The following FKBP9 variants were observed in gnomAD, a reference collection of about 807,000 sequenced individuals.
FKBP9 encodes peptidyl-prolyl cis-trans isomerase FKBP9.
FKBP9 carries 27 observed loss-of-function variants against 55.6 expected under a neutral mutation model. The ratio of observed to expected loss-of-function variants is 0.49; its 90% CI spans 0.36 to 0.67. The LOEUF is 0.67. FKBP9 is among the 30% of genes least tolerant of loss of function. FKBP9 has a pLI of 0.00. For missense variants in FKBP9, 539 were observed against 742.8 expected, an observed-to-expected ratio of 0.73 and a Z score of 3.19; for synonymous variants, 267 against 296.5, an observed-to-expected ratio of 0.90 and a Z score of 1.02.
At chr7:32,982,347 G>A (rs2392176) in intron 5 of FKBP9, among the ~76,000 whole-genome samples, 17,765 of 152,054 alleles carry the variant, frequency 0.12, 1,383 homozygotes, top group East Asian at 0.41. Context: ...TAAAATGCAA[G>A]TATAAGCAAA....
At chr7:32,980,617 T>C (rs1562568487) in intron 5 of FKBP9, 64 bp downstream of exon 5, 4 of 1,571,636 alleles carry the variant, frequency 2.5e-6, no homozygotes, top group Non-Finnish European at 3.5e-6. Flanking sequence ...TGCCATTGGC[T>C]GGACCATGAT....
chr7:32,957,485 T>TC lies in FKBP9; in HGVS notation c.-87dup. ...GCCCGGGTAGGGCCAGGAGACCCGGTCCACGTTTGCAAACGCAGCCGAACG... is the reference window on the plus strand; with the variant it reads ...GCCCGGGTAGGGCCAGGAGACCCGGTCCCACGTTTGCAAACGCAGCCGAACG... On this transcript the variant is annotated 5_prime_UTR_variant, in exon 1 of 10. Transcript: ENST00000242209. 2.0e-6 allele frequency: 2 copies of TC among 1,020,120 alleles called. No individual in the cohort carries two copies. Among genetic ancestry groups the TC allele is most frequent in the Non-Finnish European group, 2.6e-6 (2 of 764,936 alleles). 63.2% of individuals were successfully genotyped at this position (1,020,120 alleles called of 1,614,324 possible).
chr7:33,005,031 A>T, intron 9 of FKBP9, 144 bp from the exon 10 acceptor site: 1 of 1,407,064 alleles, frequency 7.1e-7, no homozygotes, highest in Non-Finnish European at 9.5e-7. Context: ...CATAGGTCAT[A>T]TAGCTGCCAA....
intron 1 of FKBP9, among the ~76,000 whole-genome samples, chr7:32,972,801 C>A (rs1460464856): frequency 6.6e-6 from 1 of 152,202 alleles, no homozygotes; most frequent in South Asian, 2.1e-4. Flanking sequence ...CAGCTCACTG[C>A]AACCTTCACC....
chr7:32,968,443 T>G (rs1205492257), intron 1 of FKBP9, among the ~76,000 whole-genome samples: 1 of 152,314 alleles, frequency 6.6e-6, no homozygotes, highest in East Asian at 1.9e-4. Flanking sequence ...CATTTTGCAT[T>G]CCCATCAAAG....
intron 6 of FKBP9, among the ~76,000 whole-genome samples, chr7:32,990,401 A>G (rs2127986352): frequency 6.6e-6 from 1 of 152,298 alleles, no homozygotes; most frequent in South Asian, 2.1e-4. Context: ...TATCCCTAAC[A>G]ATACCTTGAA....
At chr7:33,004,541 A>T (rs753156975) in intron 9 of FKBP9, among the ~76,000 whole-genome samples, 4 of 151,814 alleles carry the variant, frequency 2.6e-5, no homozygotes, top group Non-Finnish European at 5.9e-5. Context: ...ATCTTTCAAG[A>T]CTTTGCACAA....
chr7:33,005,395 G>A lies in FKBP9; in HGVS notation c.*44G>A, dbSNP rs1785017289. ...GGTGCCAGGGAGTACGTGACACCAA[G>A]CCACCTGTGTGGCAAGACGTGCAGT... On this transcript the variant is annotated 3_prime_UTR_variant, in exon 10 of 10. Transcript: ENST00000242209. 6.2e-7 allele frequency: 1 copy of A among 1,606,000 alleles called. No homozygotes were observed. The highest frequency in any genetic ancestry group is 1.3e-5 in the African/African-American group (1 of 74,792).
chr7:33,001,607 A>G (rs1386434141), intron 8 of FKBP9, among the ~76,000 whole-genome samples: 3 of 151,730 alleles, frequency 2.0e-5, no homozygotes, highest in African/African-American at 4.8e-5. Flanking sequence ...AATACATAGC[A>G]TATTATATAT....
intron 1 of FKBP9, among the ~76,000 whole-genome samples, chr7:32,965,722 C>G (rs1386555633): frequency 1.5e-5 from 2 of 133,876 alleles, no homozygotes. Flanking sequence ...TGCTTGAACC[C>G]GGGAGGTGGA....
intron 7 of FKBP9, among the ~76,000 whole-genome samples, chr7:32,997,569 C>G (rs1268708466): frequency 1.3e-5 from 2 of 152,186 alleles, no homozygotes; most frequent in African/African-American, 4.8e-5. Flanking sequence ...GTGGCTCATG[C>G]CTGTAATCCT....
At chr7:32,988,793 A>G in intron 6 of FKBP9, 141 bp downstream of exon 6, 1 of 792,626 alleles carries the variant, frequency 1.3e-6, no homozygotes, top group Non-Finnish European at 2.0e-6. Context: ...GTAGTGTGTG[A>G]TCATCGTGTA....
intron 1 of FKBP9, among the ~76,000 whole-genome samples, chr7:32,968,426 G>A (rs1018422179): frequency 2.0e-5 from 3 of 152,050 alleles, no homozygotes; most frequent in African/African-American, 7.2e-5. Flanking sequence ...ATTTTCTAGA[G>A]CAAGTACATT....
rs1784424909 is a variant in FKBP9 at position 32,979,340 on chromosome 7, GAA to G, written c.704-1021_704-1020del. 4.9e-6 allele frequency: 3 copies of G among 612,530 alleles called. No individual in the cohort carries two copies. The African/African-American group carries it at 5.6e-5, about 11-fold the overall frequency. The allele number at this position is 612,530 out of a possible 1,614,324, so 37.9% of individuals were successfully genotyped here. A position where few individuals can be genotyped will look rare whatever the true frequency, so the allele number is the denominator to read the frequency against. On this transcript the variant is annotated intron_variant, in intron 4 of 9. Coordinates refer to ENST00000242209, the MANE Select transcript of FKBP9 (RefSeq NM_007270.5). ...TAAGGCTTTCATTTTTCTCTTAAAT[GAA>G]AAGATACAGTAAGGCACAAAAGATT...
Position 33,003,125 on chromosome 7 carries a change from G to A in FKBP9, c.1536+286G>A, listed in dbSNP as rs190390830. 1.6e-3 allele frequency among the ~76,000 whole-genome samples: 248 copies of A among 152,362 alleles called. 1 individual carries two copies. The highest frequency in any genetic ancestry group is 5.6e-3 in the African/African-American group (234 of 41,588). On this transcript the variant is annotated intron_variant, in intron 9 of 9. Coordinates refer to ENST00000242209, the MANE Select transcript of FKBP9 (RefSeq NM_007270.5). ...GTTACTGGGTGCTCAATGCCTGCCTGTATGTGCTGAGTGTATTCTCTGATT... is the reference window on the plus strand; with the variant it reads ...GTTACTGGGTGCTCAATGCCTGCCTATATGTGCTGAGTGTATTCTCTGATT...
intron 4 of FKBP9, among the ~76,000 whole-genome samples, chr7:32,976,761 A>T (rs1208455085): frequency 6.6e-6 from 1 of 152,174 alleles, no homozygotes; most frequent in Admixed American, 6.5e-5. Context: ...ACAGACCCAG[A>T]TCATTTCCAT....
chr7:32,982,169 C>T lies in FKBP9; in HGVS notation c.893+1616C>T, dbSNP rs189772115. Reference sequence around the variant, plus strand: ...CCAAGTAGCTGGGGTTACAGGCACACACCACCACGCCTGGCTAATTTTTGT... The same window carrying T: ...CCAAGTAGCTGGGGTTACAGGCACATACCACCACGCCTGGCTAATTTTTGT... On this transcript the variant is annotated intron_variant, in intron 5 of 9. Transcript: ENST00000242209. 2.0e-3 allele frequency among the ~76,000 whole-genome samples: 300 copies of T among 151,850 alleles called. 1 individual carries two copies. The highest frequency in any genetic ancestry group is 7.0e-3 in the African/African-American group (290 of 41,454).
intron 4 of FKBP9, among the ~76,000 whole-genome samples, chr7:32,978,079 G>A (rs1425032714): frequency 6.6e-6 from 1 of 151,544 alleles, no homozygotes; most frequent in Admixed American, 6.6e-5. Flanking sequence ...ATGCAACCAT[G>A]CCTGGCAGAT....
chr7:32,987,034 C>G (rs1197679385), intron 5 of FKBP9, among the ~76,000 whole-genome samples: 1 of 152,208 alleles, frequency 6.6e-6, no homozygotes, highest in East Asian at 1.9e-4. Flanking sequence ...CAGGCTGGAT[C>G]TCTCCACTGA....
Sources: allele counts gnomAD v4.1 joint callset (sites outside exome capture counted in the v4.1 genomes callset), GRCh38; gene constraint gnomAD v4.1.1; transcripts MANE v1.5; gene names NCBI Gene and HGNC (gene_info 2026-07-23, HGNC 2026-07-21).